Variants in SASH1 observed in about 807,000 individuals in gnomAD.
The protein encoded by SASH1 is SAM and SH3 domain containing 1.
SASH1 carries 44 observed loss-of-function variants against 125.2 expected under a neutral mutation model. The observed-to-expected ratio is 0.35, with a 90% CI of 0.28 to 0.45. The LOEUF is 0.45. Ranked by LOEUF, SASH1 falls within the 20% of genes least tolerant of loss-of-function variation. SASH1 has a pLI of 1.00. For missense variants in SASH1, 1,426 were observed against 1,614.5 expected, an observed-to-expected ratio of 0.88 and a Z score of 2.00; for synonymous variants, 639 against 649.1, an observed-to-expected ratio of 0.98 and a Z score of 0.24.
the SASH1 span, among the ~76,000 whole-genome samples, chr6:148,229,817 T>G: frequency 6.6e-6 from 1 of 151,274 alleles, no homozygotes; most frequent in East Asian, 1.9e-4. Flanking sequence ...GTTCAAGCGA[T>G]TCTCCTGTCT....
chr6:148,505,876 T>C (rs1327767895), intron 8 of SASH1, among the ~76,000 whole-genome samples: 1 of 151,942 alleles, frequency 6.6e-6, no homozygotes, highest in Non-Finnish European at 1.5e-5. Context: ...GACCTCGTGA[T>C]CCGCCCACCT....
intron 2 of SASH1, among the ~76,000 whole-genome samples, chr6:148,401,984 TG>T (rs1181319922): frequency 6.6e-6 from 1 of 152,204 alleles, no homozygotes; most frequent in Non-Finnish European, 1.5e-5. Context: ...GGGATCTGTT[TG>T]GGTATTTTAT....
chr6:148,362,416 A>G (rs1192616993), intron 1 of SASH1, among the ~76,000 whole-genome samples: 1 of 151,924 alleles, frequency 6.6e-6, no homozygotes, highest in Non-Finnish European at 1.5e-5. Context: ...ACTAGGTTCT[A>G]TGAGATAAGC....
intron 1 of SASH1, among the ~76,000 whole-genome samples, chr6:148,378,049 C>G (rs1782979779): frequency 6.8e-6 from 1 of 146,968 alleles, no homozygotes; most frequent in Non-Finnish European, 1.5e-5. Flanking sequence ...CTCTGTCACC[C>G]ACAATTTTTT....
the SASH1 span, among the ~76,000 whole-genome samples, chr6:148,199,466 C>CA: frequency 6.6e-6 from 1 of 151,942 alleles, no homozygotes; most frequent in Non-Finnish European, 1.5e-5. Flanking sequence ...ATACAGGATC[C>CA]AAAAGGTTGG....
intron 1 of SASH1, among the ~76,000 whole-genome samples, chr6:148,367,335 A>G (rs1044514350): frequency 3.9e-5 from 6 of 152,250 alleles, no homozygotes; most frequent in Non-Finnish European, 5.9e-5. Flanking sequence ...TCCTTTTAGC[A>G]ATCCTCAGTT....
At chr6:148,255,549 G>T in the SASH1 span, among the ~76,000 whole-genome samples, 3 of 152,282 alleles carry the variant, frequency 2.0e-5, no homozygotes, top group South Asian at 4.1e-4. Flanking sequence ...CTCCTTTTCA[G>T]TTGTGGCACA....
chr6:148,328,781 C>T (rs1780910504), intron 1 of SASH1, among the ~76,000 whole-genome samples: 1 of 152,140 alleles, frequency 6.6e-6, no homozygotes, highest in Admixed American at 6.6e-5. Flanking sequence ...GATTTGTCCC[C>T]TTGCTGTCAT....
chr6:148,390,860 G>A (rs1030078112), intron 2 of SASH1, among the ~76,000 whole-genome samples: 1 of 151,948 alleles, frequency 6.6e-6, no homozygotes, highest in Non-Finnish European at 1.5e-5. Flanking sequence ...GTTCACCAGT[G>A]TATACTACAT....
At chr6:148,322,667 C>T (rs1295152631) in intron 1 of SASH1, among the ~76,000 whole-genome samples, 1 of 152,170 alleles carries the variant, frequency 6.6e-6, no homozygotes, top group Non-Finnish European at 1.5e-5. Flanking sequence ...GGATCCCTTA[C>T]TCCTTGCTGT....
At chr6:148,293,073 A>G (rs1779675913) in intron 1 of SASH1, among the ~76,000 whole-genome samples, 1 of 151,974 alleles carries the variant, frequency 6.6e-6, no homozygotes, top group African/African-American at 2.4e-5. Flanking sequence ...AAAAAGGTCT[A>G]TGTGAATCAA....
At chr6:148,421,207 A>AAGAAAGAAAGAAAGAAAGAAAGAAAGAC (rs1785083276) in intron 2 of SASH1, among the ~76,000 whole-genome samples, 1 of 138,972 alleles carries the variant, frequency 7.2e-6, no homozygotes, top group Non-Finnish European at 1.7e-5. Context: ...GAAAGAAAGA[A>AAGAAAGAAAGAAAGAAAGAAAGAAAGAC]AGAAAGAAAA....
At chr6:148,363,275 C>T (rs182270746) in intron 1 of SASH1, among the ~76,000 whole-genome samples, 82 of 152,218 alleles carry the variant, frequency 5.4e-4, no homozygotes, top group Non-Finnish European at 1.0e-3. Flanking sequence ...GTGTTAGGGA[C>T]GGAGTGATTG....
At chr6:148,531,800 A>ACTCT in intron 13 of SASH1, 139 bp downstream of exon 13, 1 of 613,800 alleles carries the variant, frequency 1.6e-6, no homozygotes, top group African/African-American at 1.9e-5. Flanking sequence ...AGACCAATAA[A>ACTCT]CTCTCTGGAC....
intron 2 of SASH1, among the ~76,000 whole-genome samples, chr6:148,431,862 G>A (rs1400736133): frequency 1.3e-5 from 2 of 151,974 alleles, no homozygotes; most frequent in East Asian, 1.9e-4. Context: ...ATGGAGAAAG[G>A]GGCCTCCTTT....
chr6:148,490,270 G>A (rs779363162), intron 8 of SASH1, among the ~76,000 whole-genome samples: 1 of 151,532 alleles, frequency 6.6e-6, no homozygotes, highest in African/African-American at 2.4e-5. Flanking sequence ...GTACAGTGGC[G>A]CGATCTCAGC....
intron 16 of SASH1, among the ~76,000 whole-genome samples, chr6:148,536,900 G>C (rs1781879257): frequency 6.6e-6 from 1 of 152,188 alleles, no homozygotes. Flanking sequence ...ACATTCCATT[G>C]TGGATCTATT....
chr6:148,438,339 A>G (rs902654599), intron 2 of SASH1, among the ~76,000 whole-genome samples: 2 of 152,228 alleles, frequency 1.3e-5, no homozygotes, highest in African/African-American at 2.4e-5. Context: ...ATTGGTCTGT[A>G]AGCACCAGAA....
chr6:148,458,004 A>G (rs1175228046), intron 4 of SASH1, among the ~76,000 whole-genome samples: 1 of 152,228 alleles, frequency 6.6e-6, no homozygotes, highest in Non-Finnish European at 1.5e-5. Context: ...ACAGAGCCAA[A>G]TGATATCAAA....
Sources: gnomAD v4.1 joint callset for allele counts (sites outside exome capture counted in the v4.1 genomes callset) on GRCh38, gnomAD v4.1.1 for gene constraint, MANE v1.5 for transcripts, NCBI Gene and HGNC (gene_info 2026-07-23, HGNC 2026-07-21) for gene names.